COL11A1: variants seen among roughly 807,000 people sequenced by gnomAD.
COL11A1 encodes collagen alpha-1(XI) chain.
A neutral mutation model predicts 265.2 loss-of-function variants in COL11A1; 74 were observed. The observed-to-expected ratio is 0.28, with a 90% CI of 0.23 to 0.34. The LOEUF (loss-of-function observed/expected upper bound fraction) is 0.34, where lower values mean the gene tolerates loss of function less well. Ranked by LOEUF, COL11A1 falls within the 10% of genes least tolerant of loss-of-function variation. The probability of loss-of-function intolerance (pLI) is 1.00; values close to 1 mark genes in which losing one functional copy is unlikely to be tolerated. For synonymous variants in COL11A1, 816 were observed against 727.6 expected (o/e 1.12, Z -1.96); for missense variants, 2,165 against 2,263.6 (o/e 0.96, Z 0.88).
intron 63 of COL11A1, among the ~76,000 whole-genome samples, chr1:102,883,559 C>T (rs908043487): frequency 1.3e-5 from 2 of 152,074 alleles, no homozygotes; most frequent in Admixed American, 1.3e-4. Context: ...TCTTAGCATG[C>T]CTATCACTTT....
chr1:103,074,613 T>C lies in COL11A1; in HGVS notation c.651+5A>G, dbSNP rs1671829771. 1.9e-6 allele frequency: 3 copies of C among 1,612,766 alleles called. No individual in the cohort carries two copies. In the East Asian group the frequency reaches 6.7e-5, roughly 36 times the overall value. ...TATTCAGCTTAGAGTTGGATTTATT[T>C]TTACCTCAAAAACTTCTTCATCCAA... On this transcript the variant is annotated splice_donor_5th_base_variant and intron_variant, in intron 4 of 66. Transcript: ENST00000370096.
chr1:102,970,102 T>G lies in COL11A1; in HGVS notation c.2862+117A>C, dbSNP rs1226604997. The G allele has an allele frequency of 4.5e-6, 3 of 659,502 alleles. No homozygotes were observed. The African/African-American group carries it at 5.4e-5, about 12-fold the overall frequency. 40.9% of individuals were successfully genotyped at this position (659,502 alleles called of 1,614,324 possible). ...TCAATAAAAGGCTTAATGGAATTAATTTTTCCATTTTTCTCAACCTAGTAA... is the reference window on the plus strand; with the variant it reads ...TCAATAAAAGGCTTAATGGAATTAAGTTTTCCATTTTTCTCAACCTAGTAA... On this transcript the variant is annotated intron_variant, in intron 37 of 66. Coordinates refer to ENST00000370096, the MANE Select transcript of COL11A1 (RefSeq NM_001854.4).
At chr1:102,996,487 A>G (rs940308944) in intron 26 of COL11A1, among the ~76,000 whole-genome samples, 4 of 151,798 alleles carry the variant, frequency 2.6e-5, no homozygotes, top group Non-Finnish European at 5.9e-5. Context: ...AAAATTATAT[A>G]TCTTCCAAAA....
chr1:102,976,145 T>C (rs936757618), intron 35 of COL11A1, among the ~76,000 whole-genome samples: 3 of 152,042 alleles, frequency 2.0e-5, no homozygotes, highest in African/African-American at 7.2e-5. Context: ...TATTAAAATG[T>C]CATGTTTTTG....
At chr1:102,941,105 T>C (rs1024429932) in intron 42 of COL11A1, among the ~76,000 whole-genome samples, 1 of 152,196 alleles carries the variant, frequency 6.6e-6, no homozygotes, top group African/African-American at 2.4e-5. Context: ...TCTGTCCTTC[T>C]GTTATACAAG....
At chr1:102,878,500 A>G (rs1649807707) in intron 66 of COL11A1, among the ~76,000 whole-genome samples, 1 of 123,142 alleles carries the variant, frequency 8.1e-6, no homozygotes, top group Non-Finnish European at 1.7e-5. Context: ...ATATATATAT[A>G]TATTCTTTTT....
At chr1:103,093,120 T>C (rs1267906976) in intron 1 of COL11A1, among the ~76,000 whole-genome samples, 2 of 152,082 alleles carry the variant, frequency 1.3e-5, no homozygotes, top group African/African-American at 4.8e-5. Flanking sequence ...CAGCTTTATG[T>C]GGGTGAGGGT....
intron 48 of COL11A1, among the ~76,000 whole-genome samples, chr1:102,921,039 T>A (rs1358216991): frequency 6.6e-6 from 1 of 152,142 alleles, no homozygotes; most frequent in Non-Finnish European, 1.5e-5. Flanking sequence ...TTTTTAAGCT[T>A]GGAGAATATC....
At chr1:103,058,252 C>T (rs1282740174) in intron 4 of COL11A1, among the ~76,000 whole-genome samples, 1 of 152,154 alleles carries the variant, frequency 6.6e-6, no homozygotes, top group East Asian at 1.9e-4. Context: ...GAAGCTTCCT[C>T]ACTTCTCTGA....
At chr1:103,006,694 T>C (rs1411547327) in intron 15 of COL11A1, among the ~76,000 whole-genome samples, 12 of 151,920 alleles carry the variant, frequency 7.9e-5, no homozygotes, top group Non-Finnish European at 1.0e-4. Flanking sequence ...CCCGCCACTA[T>C]GCCCGGCTAA....
chr1:103,042,365 A>C (rs1202991120), intron 4 of COL11A1, among the ~76,000 whole-genome samples: 3 of 152,162 alleles, frequency 2.0e-5, no homozygotes, highest in Non-Finnish European at 4.4e-5. Context: ...TAGAGGATTT[A>C]TCTAGAATTT....
chr1:103,095,250 C>T (rs947269249), intron 1 of COL11A1, among the ~76,000 whole-genome samples: 6 of 152,002 alleles, frequency 3.9e-5, no homozygotes, highest in Non-Finnish European at 7.4e-5. Flanking sequence ...TTTAAGGCAA[C>T]ATTTATACTC....
At chr1:102,969,749 T>C (rs768176707) in intron 37 of COL11A1, among the ~76,000 whole-genome samples, 13 of 152,226 alleles carry the variant, frequency 8.5e-5, no homozygotes, top group African/African-American at 2.4e-5. Flanking sequence ...TCCCAACCAG[T>C]TATAGCCGAT....
chr1:103,068,280 C>A (rs77260579), intron 4 of COL11A1, among the ~76,000 whole-genome samples: 5,212 of 151,464 alleles, frequency 0.034, 323 homozygotes, highest in African/African-American at 0.12. Flanking sequence ...TTAAGGAATG[C>A]AAAGTTATTT....
At chr1:103,054,731 G>C (rs575499887) in intron 4 of COL11A1, among the ~76,000 whole-genome samples, 1 of 152,034 alleles carries the variant, frequency 6.6e-6, no homozygotes, top group South Asian at 2.1e-4. Flanking sequence ...GTAAAACCTT[G>C]TCTCTACTAA....
At chr1:102,938,825 C>A (rs1305549173) in intron 44 of COL11A1, among the ~76,000 whole-genome samples, 2 of 151,914 alleles carry the variant, frequency 1.3e-5, no homozygotes, top group Non-Finnish European at 2.9e-5. Flanking sequence ...TAAATAATGG[C>A]CTTACAATCA....
At chr1:102,990,397 C>A (rs2101756136) in intron 28 of COL11A1, among the ~76,000 whole-genome samples, 1 of 151,826 alleles carries the variant, frequency 6.6e-6, no homozygotes, top group South Asian at 2.1e-4. Context: ...CTGTATCTTA[C>A]AATCTTCTTT....
chr1:103,105,102 A>G (rs1017507486), intron 1 of COL11A1, among the ~76,000 whole-genome samples: 1 of 151,350 alleles, frequency 6.6e-6, no homozygotes, highest in Non-Finnish European at 1.5e-5. Flanking sequence ...TTAGTGCTTC[A>G]TTATAGCTAA....
intron 37 of COL11A1, among the ~76,000 whole-genome samples, chr1:102,966,967 C>T (rs1452045709): frequency 6.6e-6 from 1 of 152,092 alleles, no homozygotes; most frequent in African/African-American, 2.4e-5. Context: ...GATTTTCCTT[C>T]TATGTTCTTC....
Sources: allele counts gnomAD v4.1 joint callset (sites outside exome capture counted in the v4.1 genomes callset), GRCh38; gene constraint gnomAD v4.1.1; transcripts MANE v1.5; gene names NCBI Gene and HGNC (gene_info 2026-07-23, HGNC 2026-07-21).